The following NOD2 variants were observed in gnomAD, a reference collection of about 807,000 sequenced individuals.
NOD2 encodes the protein nucleotide binding oligomerization domain containing 2, also known as nucleotide-binding oligomerization domain-containing protein 2.
A neutral mutation model predicts 90.9 loss-of-function variants in NOD2; 86 were observed. That is an observed-to-expected ratio of 0.95 (90% CI 0.79 to 1.13). The LOEUF is 1.13. Ranked by LOEUF, NOD2 falls within the 50% of genes most tolerant of loss-of-function variation. NOD2 has a pLI of 0.00. For synonymous variants in NOD2, 581 were observed against 554.6 expected, an observed-to-expected ratio of 1.05 and a Z score of -0.67; for missense variants, 1,238 against 1,283.8, an observed-to-expected ratio of 0.96 and a Z score of 0.55.
At chr16:50,701,888 T>A (rs1007683776) in intron 2 of NOD2, among the ~76,000 whole-genome samples, 16 of 152,180 alleles carry the variant, frequency 1.1e-4, no homozygotes, top group Non-Finnish European at 5.9e-5. Flanking sequence ...TAGGGGGAAA[T>A]TTACAACCTT....
chr16:50,719,434 C>T (rs1964941623), intron 6 of NOD2, among the ~76,000 whole-genome samples: 2 of 152,146 alleles, frequency 1.3e-5, no homozygotes, highest in South Asian at 4.1e-4. Context: ...CCTTGGCCCT[C>T]CCTCTCTCCT....
At chr16:50,731,725 C>T in intron 11 of NOD2, 22 bp from the exon 12 acceptor site, 1 of 1,585,712 alleles carries the variant, frequency 6.3e-7, no homozygotes, top group South Asian at 1.1e-5. Context: ...ACTCAAACCT[C>T]TGTTCACTTG....
chr16:50,724,533 T>C (rs529252348), intron 9 of NOD2, among the ~76,000 whole-genome samples: 2 of 152,280 alleles, frequency 1.3e-5, no homozygotes, highest in East Asian at 1.9e-4. Flanking sequence ...AACAGCTTGA[T>C]TGGTTGCAGC....
rs104895442 is a variant in NOD2, at chr16:50,712,184, C to T, written c.2192C>T (p.Ala731Val). 1.3e-5 allele frequency: 21 copies of T among 1,613,830 alleles called. 1 individual carries two copies. Among genetic ancestry groups the T allele is most frequent in the Non-Finnish European group, 1.8e-5 (21 of 1,180,056 alleles). ...EMQEERLARK[A>V]ARGLNVGHLK... is the part of the protein sequence containing the mutation. ...CAGGAGGAGCGGCTGGCTCGGAAGG[C>T]TGCACGTGGCCTGAATGTTGGGCAC... The change falls in exon 4 of 12, where the codon GCT becomes GTT. Residue 731 changes from alanine to valine, a missense_variant. Ala to Val is a moderately conservative substitution (Grantham distance 64). Coordinates refer to ENST00000647318, the MANE Select transcript of NOD2 (RefSeq NM_001370466.1).
At chr16:50,697,161 G>A (rs544996914) in intron 1 of NOD2, 2 of 1,177,502 alleles carry the variant, frequency 1.7e-6, no homozygotes, top group South Asian at 2.6e-5. Context: ...AGGCTCACCA[G>A]TCCTGTGCCA....
chr16:50,702,206 T>C (rs1002733218), intron 2 of NOD2, among the ~76,000 whole-genome samples: 16 of 152,280 alleles, frequency 1.1e-4, no homozygotes, highest in African/African-American at 3.9e-4. Context: ...AGTGCTGGGA[T>C]TACAGGCATG....
intron 2 of NOD2, among the ~76,000 whole-genome samples, chr16:50,704,967 G>C (rs181004830): frequency 8.5e-5 from 13 of 152,254 alleles, no homozygotes; most frequent in Admixed American, 1.3e-4. Context: ...TCTATGTTTT[G>C]GGAAATGTTC....
intron 1 of NOD2, chr16:50,697,525 T>A: frequency 1.5e-6 from 1 of 653,956 alleles, no homozygotes; most frequent in South Asian, 1.7e-5. Flanking sequence ...TGGCTGGTGT[T>A]TCCACAGCTG....
intron 1 of NOD2, among the ~76,000 whole-genome samples, chr16:50,695,746 G>C (rs1232113789): frequency 6.6e-6 from 1 of 151,980 alleles, no homozygotes. Flanking sequence ...AAAGAGGAAG[G>C]AGGGAACAAA....
rs1167519374 is a variant in NOD2 at position 50,711,372 on chromosome 16, C to T, written c.1380C>T (p.Val460=). 2 of 1,613,668 alleles carry T rather than the reference C, an allele frequency of 1.2e-6. No homozygotes were observed. Among genetic ancestry groups the T allele is most frequent in the Non-Finnish European group, 1.7e-6 (2 of 1,180,054 alleles). ...TGCACGGTTTGTGCCACCTGCCTGT[C>T]TTCTCATGGATGGTGTCCAAATGCC... ...SALHGLCHLP[V]FSWMVSKCHQ... The change falls in exon 4 of 12, where the codon GTC becomes GTT. Residue 460 remains valine (V), a synonymous_variant. Transcript: ENST00000647318.
chr16:50,715,101 G>T (rs190807316), intron 4 of NOD2, among the ~76,000 whole-genome samples: 1 of 152,332 alleles, frequency 6.6e-6, no homozygotes, highest in East Asian at 1.9e-4. Context: ...AAGAGGCCCT[G>T]AGGGAGAAGC....
Position 50,711,114 on chromosome 16 carries a change from C to G in NOD2, c.1122C>G (p.Thr374=). The part of the protein sequence containing the change: ...RERHCSPTDP[T]SVQTLLFNLL... ...GCCACTGCTCCCCGACCGACCCCAC[C>G]TCTGTCCAGACCCTGCTCTTCAACC... The change falls in exon 4 of 12, where the codon ACC becomes ACG. Residue 374 remains threonine, a synonymous_variant. Transcript: ENST00000647318. The G allele has an allele frequency of 1.9e-6, 3 of 1,614,230 alleles. No individual in the cohort carries two copies. Among genetic ancestry groups the G allele is most frequent in the Non-Finnish European group, 2.5e-6 (3 of 1,180,036 alleles).
chr16:50,712,782 C>T, intron 4 of NOD2: 1 of 278,294 alleles, frequency 3.6e-6, no homozygotes, highest in Non-Finnish European at 7.0e-6. Context: ...TCTATGGATA[C>T]ACTTCAGAGG....
rs776802652 is a variant in NOD2 at position 50,707,964 on chromosome 16, G to A, written c.565+4G>A. ...CCATTGGCCCTGCCTTTGGAAGGTAGGTGTATGTTCTCAGTTAATCAGAAA... is the reference window on the plus strand; with the variant it reads ...CCATTGGCCCTGCCTTTGGAAGGTAAGTGTATGTTCTCAGTTAATCAGAAA... On this transcript the variant is annotated splice_donor_region_variant and intron_variant, in intron 3 of 11. Coordinates refer to ENST00000647318, the MANE Select transcript of NOD2 (RefSeq NM_001370466.1). The A allele has an allele frequency of 7.5e-6, 12 of 1,593,000 alleles. No individual in the cohort carries two copies. The highest frequency in any genetic ancestry group is 1.0e-5 in the Non-Finnish European group (12 of 1,160,856).
In NOD2 at chr16:50,732,575, G is replaced by A. The variant is rs1338690404; in HGVS notation, c.*756G>A. The A allele has an allele frequency of 6.6e-6, 1 of 152,452 alleles. No homozygotes were observed. Among genetic ancestry groups the A allele is most frequent in the East Asian group, 1.9e-4 (1 of 5,332 alleles). The allele number at this position is 152,452 out of a possible 1,614,324, so 9.4% of individuals were successfully genotyped here. ...CACACTCCAGCTGGGATCACATGTG[G>A]ACTTTTATTTCCAGTGAAATCAGTT... is the stretch of plus-strand genomic sequence containing the variant. On this transcript the variant is annotated 3_prime_UTR_variant, in exon 12 of 12. Coordinates refer to ENST00000647318, the MANE Select transcript of NOD2 (RefSeq NM_001370466.1).
chr16:50,698,984 A>G (rs1331960860), intron 1 of NOD2, among the ~76,000 whole-genome samples: 2 of 150,814 alleles, frequency 1.3e-5, no homozygotes, highest in Admixed American at 6.6e-5. Context: ...CTGGAGCGCA[A>G]TGGTGCCATC....
intron 6 of NOD2, among the ~76,000 whole-genome samples, chr16:50,717,303 G>A (rs562370151): frequency 3.3e-5 from 5 of 152,174 alleles, no homozygotes; most frequent in South Asian, 2.1e-4. Flanking sequence ...TCGTCCTGGT[G>A]GGGGAGGCAT....
intron 10 of NOD2, chr16:50,728,411 T>C: frequency 3.7e-6 from 1 of 269,660 alleles, no homozygotes; most frequent in Non-Finnish European, 7.4e-6. Context: ...AATAAGAAAA[T>C]TGCTTGAATT....
intron 1 of NOD2, chr16:50,696,586 C>A (rs1963657883): frequency 6.6e-6 from 1 of 152,434 alleles, no homozygotes; most frequent in Non-Finnish European, 1.5e-5. Flanking sequence ...GCAGGAGAAA[C>A]TGAAGCTAGA....
Sources: gnomAD v4.1 joint callset for allele counts (sites outside exome capture counted in the v4.1 genomes callset) on GRCh38, gnomAD v4.1.1 for gene constraint, MANE v1.5 for transcripts, NCBI Gene and HGNC (gene_info 2026-07-23, HGNC 2026-07-21) for gene names.